SNX3: variants seen among roughly 807,000 people sequenced by gnomAD.
SNX3 encodes the protein sorting nexin 3, also known as sorting nexin-3.
SNX3 carries 5 observed loss-of-function variants against 17.7 expected under a neutral mutation model. That is an observed-to-expected ratio of 0.28 (90% CI 0.15 to 0.59). The LOEUF (loss-of-function observed/expected upper bound fraction) is 0.59. SNX3 is among the 20% of genes least tolerant of loss of function. SNX3 has a pLI of 0.88. For missense variants in SNX3, 132 were observed against 206.8 expected (o/e 0.64, Z 2.22); for synonymous variants, 91 against 76.5 (o/e 1.19, Z -0.99).
chr6:108,235,479 T>C (rs931062947), intron 1 of SNX3, among the ~76,000 whole-genome samples: 2 of 152,198 alleles, frequency 1.3e-5, no homozygotes, highest in Admixed American at 1.3e-4. Flanking sequence ...TCACCAACTT[T>C]TAGGGTTTTT....
chr6:108,249,858 T>C (rs934447229), intron 1 of SNX3, among the ~76,000 whole-genome samples: 3 of 152,208 alleles, frequency 2.0e-5, no homozygotes, highest in Admixed American at 1.3e-4. Context: ...AATGACTATT[T>C]CCTCAGTCGT....
Position 108,260,753 on chromosome 6 carries a change from G to A in SNX3, c.162+7C>T, listed in dbSNP as rs753754574. The A allele has an allele frequency of 6.2e-6, 10 of 1,613,464 alleles. No homozygotes were observed. The highest frequency in any genetic ancestry group is 2.2e-5 in the South Asian group (2 of 91,080). ...GGTTTCTTGGGAGAGGGGAGAGACG[G>A]CCTCACCTTGACCCTGATTTCGTAA... On this transcript the variant is annotated splice_region_variant and intron_variant, in intron 1 of 3. Coordinates refer to ENST00000230085, the MANE Select transcript of SNX3 (RefSeq NM_003795.6).
At chr6:108,249,476 T>C (rs1044728510) in intron 1 of SNX3, among the ~76,000 whole-genome samples, 1 of 152,148 alleles carries the variant, frequency 6.6e-6, no homozygotes, top group African/African-American at 2.4e-5. Context: ...ATCTAAACCA[T>C]GATCCTGGCT....
intron 1 of SNX3, among the ~76,000 whole-genome samples, chr6:108,224,447 A>C (rs1774915446): frequency 6.6e-6 from 1 of 151,996 alleles, no homozygotes; most frequent in Admixed American, 6.6e-5. Context: ...TGGCTCGCTA[A>C]TTTTTTGTAT....
At chr6:108,256,307 T>C (rs1776028089) in intron 1 of SNX3, among the ~76,000 whole-genome samples, 1 of 152,220 alleles carries the variant, frequency 6.6e-6, no homozygotes, top group Non-Finnish European at 1.5e-5. Flanking sequence ...CATGCTTGCT[T>C]AATGAAGGTA....
Position 108,245,296 on chromosome 6 carries a change from T to C in SNX3, c.162+15464A>G, listed in dbSNP as rs181968512. On this transcript the variant is annotated intron_variant, in intron 1 of 3. Coordinates refer to ENST00000230085, the MANE Select transcript of SNX3 (RefSeq NM_003795.6). Reference sequence around the variant, plus strand: ...CCCCGCAAAGGACATGAACTCGTTCTTTTTTATGGCTGCATAGTATTCCAC... The same window carrying C: ...CCCCGCAAAGGACATGAACTCGTTCCTTTTTATGGCTGCATAGTATTCCAC... 2.6e-5 allele frequency among the ~76,000 whole-genome samples: 4 copies of C among 152,354 alleles called. No individual in the cohort carries two copies. The East Asian group carries it at 7.7e-4, about 29-fold the overall frequency.
chr6:108,251,073 G>GA (rs919776408), intron 1 of SNX3, among the ~76,000 whole-genome samples: 44 of 141,512 alleles, frequency 3.1e-4, no homozygotes, highest in Non-Finnish European at 3.4e-4. Context: ...GCCTTGGAAG[G>GA]AAAAAAAAAA....
At position 108,212,098 on chromosome 6, in the gene SNX3, T is replaced by C. The variant is rs943060635; in HGVS notation, c.*51A>G. On this transcript the variant is annotated 3_prime_UTR_variant, in exon 4 of 4. Transcript: ENST00000230085. ...ATGCTAAAAGTTAGAACTTCTTCAC[T>C]GGTGCTTATCAATCATTAATAGTCA... 1.1e-6 allele frequency: 1 copy of C among 944,384 alleles called. No homozygotes were observed. The highest frequency in any genetic ancestry group is 2.3e-5 in the Admixed American group (1 of 44,202). The allele number at this position is 944,384 out of a possible 1,614,324, so 58.5% of individuals were successfully genotyped here.
At chr6:108,234,129 T>C (rs1425405356) in intron 1 of SNX3, among the ~76,000 whole-genome samples, 2 of 152,096 alleles carry the variant, frequency 1.3e-5, no homozygotes, top group African/African-American at 4.8e-5. Flanking sequence ...CAAGATTCAT[T>C]ACATGTAGCA....
chr6:108,234,755 T>C (rs969382155), intron 1 of SNX3, among the ~76,000 whole-genome samples: 1 of 152,176 alleles, frequency 6.6e-6, no homozygotes, highest in Non-Finnish European at 1.5e-5. Context: ...AACATGATTA[T>C]ATACAGACAT....
intron 1 of SNX3, chr6:108,252,248 A>C (rs1775886787): frequency 6.6e-6 from 1 of 152,598 alleles, no homozygotes; most frequent in South Asian, 2.1e-4. Context: ...TACGGCAAGA[A>C]GCCCCTGACG....
chr6:108,244,261 T>A (rs1360414920), intron 1 of SNX3, among the ~76,000 whole-genome samples: 1 of 151,770 alleles, frequency 6.6e-6, no homozygotes, highest in Admixed American at 6.6e-5. Flanking sequence ...GCTCAAACAA[T>A]CCTCCCACCT....
At chr6:108,243,540 G>A (rs910450672) in intron 1 of SNX3, among the ~76,000 whole-genome samples, 2 of 152,050 alleles carry the variant, frequency 1.3e-5, no homozygotes, top group Admixed American at 6.6e-5. Context: ...TATGACTTCA[G>A]CACATTACCC....
intron 2 of SNX3, among the ~76,000 whole-genome samples, chr6:108,217,051 A>G (rs1426067705): frequency 6.6e-6 from 1 of 152,124 alleles, no homozygotes; most frequent in African/African-American, 2.4e-5. Context: ...GGCAGGGAAA[A>G]ATATCTGTAT....
chr6:108,223,593 G>A (rs1392704760), intron 1 of SNX3, among the ~76,000 whole-genome samples: 1 of 142,206 alleles, frequency 7.0e-6, no homozygotes, highest in Non-Finnish European at 1.5e-5. Flanking sequence ...CACCTCCTAG[G>A]GTCAAGTGAT....
In SNX3 at chr6:108,223,012, T is replaced by A. The variant is rs767244127; in HGVS notation, c.196A>T (p.Thr66Ser). 6.2e-7 allele frequency: 1 copy of A among 1,607,154 alleles called. No homozygotes were observed. The highest frequency in any genetic ancestry group is 8.5e-7 in the Non-Finnish European group (1 of 1,175,476). Residue 66 changes from threonine (T) to serine (S), a missense_variant, in exon 2 of 4, where the codon ACT becomes TCT. Around this residue, in one of 2 missense-constraint regions of SNX3, gnomAD observed 78 missense variants for 88.8 expected, o/e 0.88. Coordinates refer to ENST00000230085, the MANE Select transcript of SNX3 (RefSeq NM_003795.6). ...NLPIFKLKES[T>S]VRRRYSDFEW... is the part of the protein sequence containing the mutation. ...AAGTCACTGTATCTTCTTCTAACAG[T>A]AGATTCTTTCAGCTTGAAAATAGGA...
At chr6:108,259,695 C>T (rs1225400249) in intron 1 of SNX3, among the ~76,000 whole-genome samples, 1 of 152,206 alleles carries the variant, frequency 6.6e-6, no homozygotes, top group East Asian at 1.9e-4. Flanking sequence ...GAATATACTA[C>T]TGAGCTGTAT....
intron 1 of SNX3, 88 bp from the exon 2 acceptor site, chr6:108,223,133 T>C (rs1251374107): frequency 1.5e-6 from 1 of 683,964 alleles, no homozygotes; most frequent in East Asian, 2.7e-5. Context: ...ACAAAAGAAA[T>C]CATGACTTTC....
At chr6:108,224,650 G>T (rs1356999153) in intron 1 of SNX3, among the ~76,000 whole-genome samples, 3 of 152,118 alleles carry the variant, frequency 2.0e-5, no homozygotes, top group South Asian at 4.1e-4. Context: ...CATAATAAAA[G>T]ACCTAAATAA....
Sources: gnomAD v4.1 joint callset for allele counts (sites outside exome capture counted in the v4.1 genomes callset) on GRCh38, gnomAD v4.1.1 for gene constraint, gnomAD v4.1.1 regional missense constraint, MANE v1.5 for transcripts, NCBI Gene and HGNC (gene_info 2026-07-23, HGNC 2026-07-21) for gene names.